The following ZCCHC14 variants were observed in gnomAD, a reference collection of about 807,000 sequenced individuals.
ZCCHC14 encodes zinc finger CCHC-type containing 14.
A neutral mutation model predicts 85.0 loss-of-function variants in ZCCHC14; 16 were observed. The observed-to-expected ratio is 0.19, with a 90% CI of 0.13 to 0.29. ZCCHC14 has a LOEUF of 0.29. Among genes scored for constraint, ZCCHC14 ranks in the 10% least tolerant of loss-of-function variants. ZCCHC14 has a pLI of 1.00. For synonymous variants in ZCCHC14, 775 were observed against 630.7 expected (o/e 1.23, Z -3.43); for missense variants, 1,303 against 1,443.5 (o/e 0.90, Z 1.58).
rs375344680 is a variant in ZCCHC14, at chr16:87,413,080, G to A, written c.1719C>T (p.Ser573=). 1.7e-5 allele frequency: 28 copies of A among 1,613,990 alleles called. No homozygotes were observed. The East Asian group carries it at 2.2e-4, about 13-fold the overall frequency. The stretch of plus-strand genomic sequence containing the variant: ...GTCTGTCATTCTCCTCAGCGCTGTC[G>A]GAGCTCTCTTCCCGGGCCTGTACCC... The part of the protein sequence containing the change: ...PMGVQAREES[S]DSAEENDRRV... The change falls in exon 11 of 13, where the codon TCC becomes TCT. Residue 573 remains serine (S), a synonymous_variant. Transcript: ENST00000671377.
At chr16:87,421,597 C>T (rs949860890) in intron 4 of ZCCHC14, among the ~76,000 whole-genome samples, 3 of 152,188 alleles carry the variant, frequency 2.0e-5, no homozygotes, top group East Asian at 3.9e-4. Context: ...CAAGCAGCAG[C>T]GGTCTACCCC....
intron 1 of ZCCHC14, chr16:87,472,954 T>C (rs1911836589): frequency 6.6e-6 from 1 of 152,052 alleles, no homozygotes; most frequent in African/African-American, 2.4e-5. Context: ...CCTTAAGAGA[T>C]CCTCCCAACT....
chr16:87,422,890 G>A (rs1032022978), intron 4 of ZCCHC14, among the ~76,000 whole-genome samples: 15 of 146,030 alleles, frequency 1.0e-4, no homozygotes, highest in African/African-American at 3.9e-4. Context: ...CACTACAGAG[G>A]GAAAAGCAGA....
intron 2 of ZCCHC14, among the ~76,000 whole-genome samples, chr16:87,446,647 A>T (rs149402851): frequency 6.6e-4 from 100 of 152,240 alleles, no homozygotes; most frequent in Non-Finnish European, 1.2e-3. Flanking sequence ...GATGATGAAA[A>T]AGTGGCTTTG....
intron 2 of ZCCHC14, among the ~76,000 whole-genome samples, chr16:87,436,688 C>G (rs767288534): frequency 6.3e-4 from 96 of 152,186 alleles, no homozygotes; most frequent in Admixed American, 1.2e-3. Context: ...ACCTATGTAA[C>G]AACCTGCACA....
chr16:87,440,167 ATT>A (rs957078108), intron 2 of ZCCHC14, among the ~76,000 whole-genome samples: 2 of 145,204 alleles, frequency 1.4e-5, no homozygotes, highest in Non-Finnish European at 1.5e-5. Context: ...TATGTTTACA[ATT>A]TTTTTTTTTT....
At position 87,420,881 on chromosome 16, in the gene ZCCHC14, G is replaced by C. The variant is rs901194637; in HGVS notation, c.841-165C>G. Among the ~76,000 whole-genome samples, 28 of 152,232 alleles carry C rather than the reference G, an allele frequency of 1.8e-4. No homozygotes were observed. The highest frequency in any genetic ancestry group is 6.8e-4 in the African/African-American group (28 of 41,466). On this transcript the variant is annotated intron_variant, in intron 4 of 12. Transcript: ENST00000671377. This position sits in a 1 kb window ranked among gnomAD's most constrained non-coding sequence, Gnocchi z 5.0. ...CTATTCTGGGGCCCACATCCACTTA[G>C]GGTGTAGAAAGTCACAAAAGAACAT...
At chr16:87,441,332 T>C (rs774290216) in intron 2 of ZCCHC14, among the ~76,000 whole-genome samples, 2 of 152,226 alleles carry the variant, frequency 1.3e-5, no homozygotes, top group East Asian at 1.9e-4. Context: ...TGATTACTAA[T>C]AGAGTCACCT....
At chr16:87,488,623 C>A (rs2150780862) in intron 1 of ZCCHC14, among the ~76,000 whole-genome samples, 1 of 152,346 alleles carries the variant, frequency 6.6e-6, no homozygotes, top group Non-Finnish European at 1.5e-5. Flanking sequence ...GTCACCCAGG[C>A]TGGAATGCAG....
chr16:87,417,999 C>T (rs1908885482), intron 7 of ZCCHC14: 4 of 489,474 alleles, frequency 8.2e-6, no homozygotes, highest in South Asian at 4.6e-5. Context: ...TATACACACA[C>T]ATGCCTCTGC....
chr16:87,452,247 C>G (rs1369340010), intron 2 of ZCCHC14, among the ~76,000 whole-genome samples: 2 of 152,250 alleles, frequency 1.3e-5, no homozygotes, highest in Admixed American at 6.5e-5. Context: ...AGGTTTCGCT[C>G]TAAGCACTCG....
chr16:87,457,966 G>A (rs1447504277), intron 2 of ZCCHC14, among the ~76,000 whole-genome samples: 1 of 152,118 alleles, frequency 6.6e-6, no homozygotes, highest in Non-Finnish European at 1.5e-5. Context: ...ACCACTCGTG[G>A]CCTCAGAGCC....
At chr16:87,473,057 G>C (rs1269594507) in intron 1 of ZCCHC14, 1 of 152,196 alleles carries the variant, frequency 6.6e-6, no homozygotes, top group Non-Finnish European at 1.5e-5. Context: ...CGTAATGTTA[G>C]AAACAGTGAG....
At chr16:87,416,195 G>C (rs1440164193) in intron 8 of ZCCHC14, among the ~76,000 whole-genome samples, 2 of 151,924 alleles carry the variant, frequency 1.3e-5, no homozygotes, top group African/African-American at 2.4e-5. Context: ...CAAAGTGCTG[G>C]GATTACAGGC....
chr16:87,459,976 G>C, intron 2 of ZCCHC14, 32 bp downstream of exon 2: 1 of 1,613,828 alleles, frequency 6.2e-7, no homozygotes, highest in Non-Finnish European at 8.5e-7. Context: ...CCGTCCGTCA[G>C]ACGTCCTCCT....
At chr16:87,428,140 A>G (rs1909470022) in intron 3 of ZCCHC14, among the ~76,000 whole-genome samples, 1 of 152,180 alleles carries the variant, frequency 6.6e-6, no homozygotes, top group South Asian at 2.1e-4. Flanking sequence ...CAGCAAAATC[A>G]AAACCAACTC....
At chr16:87,475,423 G>C (rs1277147384) in intron 1 of ZCCHC14, among the ~76,000 whole-genome samples, 1 of 151,874 alleles carries the variant, frequency 6.6e-6, no homozygotes, top group African/African-American at 2.4e-5. Context: ...TGTGGTGGTG[G>C]GCGCCTGTAA....
intron 1 of ZCCHC14, among the ~76,000 whole-genome samples, chr16:87,484,013 C>T (rs766165577): frequency 6.6e-6 from 1 of 152,180 alleles, no homozygotes; most frequent in Non-Finnish European, 1.5e-5. Context: ...GACAGAGAAG[C>T]CTCATCTGGA....
At chr16:87,463,285 G>A (rs921537297) in intron 1 of ZCCHC14, among the ~76,000 whole-genome samples, 1 of 151,776 alleles carries the variant, frequency 6.6e-6, no homozygotes, top group Non-Finnish European at 1.5e-5. Flanking sequence ...GGGAGGCTAA[G>A]GTGGGAGCAT....
Sources: gnomAD v4.1 joint callset for allele counts (sites outside exome capture counted in the v4.1 genomes callset) on GRCh38, gnomAD v4.1.1 for gene constraint, Gnocchi (gnomAD v3.1) non-coding constraint, MANE v1.5 for transcripts, NCBI Gene and HGNC (gene_info 2026-07-23, HGNC 2026-07-21) for gene names.